Variants in BCAS3 observed in about 807,000 individuals in gnomAD.
BCAS3 encodes BCAS3 microtubule associated cell migration factor.
A neutral mutation model predicts 116.1 loss-of-function variants in BCAS3; 53 were observed. That is an observed-to-expected ratio of 0.46 (90% CI 0.37 to 0.57). The LOEUF is 0.57. Ranked by LOEUF, BCAS3 falls within the 20% of genes least tolerant of loss-of-function variation. The pLI is 0.00. For synonymous variants in BCAS3, 391 were observed against 408.2 expected, an observed-to-expected ratio of 0.96 and a Z score of 0.51; for missense variants, 917 against 1,165.4, an observed-to-expected ratio of 0.79 and a Z score of 3.10.
rs2080730347 is a variant in BCAS3, at chr17:61,200,015, G to C, written c.2425+115451G>C. On this transcript the variant is annotated intron_variant, in intron 22 of 23. Transcript: ENST00000407086. This position sits in a 1 kb window ranked among gnomAD's most constrained non-coding sequence, Gnocchi z 5.1. ...AATTGGAAACACCAATTTTGGATGA[G>C]ATAAGTTACCCTTTCTTCCAGAATA... 6.6e-6 allele frequency among the ~76,000 whole-genome samples: 1 copy of C among 152,206 alleles called. No homozygotes were observed. Among genetic ancestry groups the C allele is most frequent in the South Asian group, 2.1e-4 (1 of 4,830 alleles).
intron 22 of BCAS3, among the ~76,000 whole-genome samples, chr17:61,275,941 T>G (rs1349181733): frequency 1.3e-5 from 2 of 152,194 alleles, no homozygotes; most frequent in Non-Finnish European, 2.9e-5. Flanking sequence ...TTAGCTAAAT[T>G]GATACAGTAC....
At position 61,349,894 on chromosome 17, in the gene BCAS3, T is replaced by C. The variant is rs529861674; in HGVS notation, c.2426-18433T>C. ...CAGTTCAGAAGGCCAGTGCCCTTTG[T>C]GTGAAATTGCAAATTTGTGAAATTC... is the stretch of plus-strand genomic sequence containing the variant. On this transcript the variant is annotated intron_variant, in intron 22 of 23. Coordinates refer to ENST00000407086, the MANE Select transcript of BCAS3 (RefSeq NM_017679.5). This position sits in a 1 kb window ranked among gnomAD's most constrained non-coding sequence, Gnocchi z 4.7. Among the ~76,000 whole-genome samples the C allele has an allele frequency of 6.6e-4, 100 of 152,352 alleles. 1 individual carries two copies. Among genetic ancestry groups the C allele is most frequent in the African/African-American group, 2.4e-3 (99 of 41,580 alleles).
intron 22 of BCAS3, among the ~76,000 whole-genome samples, chr17:61,091,832 G>C (rs1283296803): frequency 6.6e-6 from 1 of 152,178 alleles, no homozygotes; most frequent in Non-Finnish European, 1.5e-5. Flanking sequence ...GTCCCTTTCA[G>C]CTTGAAACAT....
At chr17:60,742,352 A>G (rs1159740708) in intron 5 of BCAS3, among the ~76,000 whole-genome samples, 1 of 152,018 alleles carries the variant, frequency 6.6e-6, no homozygotes, top group African/African-American at 2.4e-5. Flanking sequence ...AGCTCTTGGT[A>G]ATCCATAGAA....
chr17:60,767,069 G>A (rs1204432465), intron 6 of BCAS3, among the ~76,000 whole-genome samples: 1 of 152,178 alleles, frequency 6.6e-6, no homozygotes, highest in African/African-American at 2.4e-5. Context: ...GCAGTGTTTA[G>A]GTGGCAGTGT....
chr17:61,334,293 G>A (rs1245979983), intron 22 of BCAS3, among the ~76,000 whole-genome samples: 1 of 152,178 alleles, frequency 6.6e-6, no homozygotes, highest in South Asian at 2.1e-4. Context: ...ATGACCTTGG[G>A]CAAGTTATGT....
rs1249450889 is a variant in BCAS3, at chr17:61,084,666, T to C, written c.2425+102T>C. The C allele has an allele frequency of 3.2e-5, 32 of 1,008,804 alleles. No homozygotes were observed. The highest frequency in any genetic ancestry group is 4.5e-5 in the Non-Finnish European group (30 of 664,676). The allele number at this position is 1,008,804 out of a possible 1,614,324, so 62.5% of individuals were successfully genotyped here. Reference sequence around the variant, plus strand: ...TGACATTTATTTGCTTTCCTCTCTGTTTTTTTGTTTTGTGGTGTGTGTGCA... The same window carrying C: ...TGACATTTATTTGCTTTCCTCTCTGCTTTTTTGTTTTGTGGTGTGTGTGCA... On this transcript the variant is annotated intron_variant, in intron 22 of 23. Transcript: ENST00000407086. The surrounding 1 kb of genome is among the most constrained non-coding windows in gnomAD (Gnocchi z 5.5).
At chr17:61,357,274 T>A (rs183343162) in intron 22 of BCAS3, among the ~76,000 whole-genome samples, 2,487 of 147,278 alleles carry the variant, frequency 0.017, 60 homozygotes, top group African/African-American at 0.057. Flanking sequence ...ATAAATTAAT[T>A]AATTAAATAA....
At chr17:61,044,368 G>C (rs1171216700) in intron 19 of BCAS3, among the ~76,000 whole-genome samples, 2 of 150,066 alleles carry the variant, frequency 1.3e-5, no homozygotes, top group African/African-American at 4.9e-5. Context: ...AATGGCGTGA[G>C]CCTGGGAGGC....
chr17:61,030,118 G>A (rs1013200101), intron 16 of BCAS3, among the ~76,000 whole-genome samples: 1 of 152,064 alleles, frequency 6.6e-6, no homozygotes. Flanking sequence ...TTTATAGAAA[G>A]CTGTTATACC....
intron 8 of BCAS3, among the ~76,000 whole-genome samples, 168 bp downstream of exon 8, chr17:60,868,851 T>C (rs568757901): frequency 1.3e-5 from 2 of 152,340 alleles, no homozygotes; most frequent in South Asian, 2.1e-4. Context: ...TTGATGAATA[T>C]ATTCAGACTT....
chr17:61,027,047 AACATG>A (rs2066296698), intron 16 of BCAS3: 1 of 716,376 alleles, frequency 1.4e-6, no homozygotes, highest in Admixed American at 2.8e-5. Context: ...TTGTAGATGG[AACATG>A]AATGTTGATA....
rs1229699037 is a variant in BCAS3 at position 61,265,684 on chromosome 17, C to CCAT, written c.2426-102639_2426-102637dup. Among the ~76,000 whole-genome samples, 1 of 100,262 alleles carries CCAT rather than the reference C, an allele frequency of 1.0e-5. No individual in the cohort carries two copies. Among genetic ancestry groups the CCAT allele is most frequent in the Non-Finnish European group, 2.3e-5 (1 of 44,412 alleles). The allele number at this position is 100,262 out of a possible 152,430, so 65.8% of individuals were successfully genotyped here. ...AATTTCAGGATTTAACTATGTAACA[C>CCAT]CATCATTCTTTTTTCCCCCCCATCA... is the stretch of plus-strand genomic sequence containing the variant. On this transcript the variant is annotated intron_variant, in intron 22 of 23. Coordinates refer to ENST00000407086, the MANE Select transcript of BCAS3 (RefSeq NM_017679.5). This position sits in a 1 kb window ranked among gnomAD's most constrained non-coding sequence, Gnocchi z 4.3.
At position 61,151,354 on chromosome 17, in the gene BCAS3, C is replaced by G. The variant is rs2077528800; in HGVS notation, c.2425+66790C>G. On this transcript the variant is annotated intron_variant, in intron 22 of 23. Transcript: ENST00000407086. The surrounding 1 kb of genome is among the most constrained non-coding windows in gnomAD (Gnocchi z 4.8). ...CCAAGCATTTCGGATAGGGGATAAT[C>G]AACCTATACCACTACCTCCTCCTCC... is the stretch of plus-strand genomic sequence containing the variant. 6.6e-6 allele frequency among the ~76,000 whole-genome samples: 1 copy of G among 151,920 alleles called. No homozygotes were observed. Among genetic ancestry groups the G allele is most frequent in the South Asian group, 2.1e-4 (1 of 4,820 alleles).
chr17:61,372,007 T>G (rs1308973155), intron 23 of BCAS3, among the ~76,000 whole-genome samples: 1 of 152,262 alleles, frequency 6.6e-6, no homozygotes, highest in Non-Finnish European at 1.5e-5. Flanking sequence ...ACTGCCTTTT[T>G]GCTAATATCC....
chr17:60,698,183 C>CAGAA (rs2035881772), intron 4 of BCAS3, among the ~76,000 whole-genome samples: 1 of 55,290 alleles, frequency 1.8e-5, no homozygotes, highest in African/African-American at 6.6e-5. Context: ...CTCCGTCTCA[C>CAGAA]AAAAAAAAAA....
chr17:60,708,199 C>T (rs951883979), intron 4 of BCAS3, among the ~76,000 whole-genome samples: 1 of 151,872 alleles, frequency 6.6e-6, no homozygotes, highest in Non-Finnish European at 1.5e-5. Context: ...ATGGCATATG[C>T]CCGTAGTCCC....
At position 60,802,371 on chromosome 17, in the gene BCAS3, C is replaced by CATATATATAT. The variant is rs533515914; in HGVS notation, c.404-5624_404-5615dup. 9.8e-3 allele frequency among the ~76,000 whole-genome samples: 1,102 copies of CATATATATAT among 111,924 alleles called. 17 individuals are homozygous for CATATATATAT. The highest frequency in any genetic ancestry group is 0.037 in the African/African-American group (975 of 26,602). 73.4% of individuals were successfully genotyped at this position (111,924 alleles called of 152,430 possible). ...ATACACACACATACATACATACATA[C>CATATATATAT]ATATATATATATATATATCCCCTTG... On this transcript the variant is annotated intron_variant, in intron 6 of 23. Coordinates refer to ENST00000407086, the MANE Select transcript of BCAS3 (RefSeq NM_017679.5).
rs1194289810 is a variant in BCAS3, at chr17:60,990,844, C to T, written c.1486+609C>T. On this transcript the variant is annotated intron_variant, in intron 15 of 23. Coordinates refer to ENST00000407086, the MANE Select transcript of BCAS3 (RefSeq NM_017679.5). The surrounding 1 kb of genome is among the most constrained non-coding windows in gnomAD (Gnocchi z 5.1). Reference sequence around the variant, plus strand: ...AGTATTTTTAGTAGAGATGGGGTTTCACTATGTTGGCCAGGCTTGTCTTGA... The same window carrying T: ...AGTATTTTTAGTAGAGATGGGGTTTTACTATGTTGGCCAGGCTTGTCTTGA... Among the ~76,000 whole-genome samples the T allele has an allele frequency of 1.3e-5, 2 of 152,106 alleles. No homozygotes were observed. Among genetic ancestry groups the T allele is most frequent in the African/African-American group, 4.8e-5 (2 of 41,402 alleles).
Sources: gnomAD v4.1 joint callset for allele counts (sites outside exome capture counted in the v4.1 genomes callset) on GRCh38, gnomAD v4.1.1 for gene constraint, Gnocchi (gnomAD v3.1) non-coding constraint, MANE v1.5 for transcripts, NCBI Gene and HGNC (gene_info 2026-07-23, HGNC 2026-07-21) for gene names.